PRKAR1B: variants seen among roughly 807,000 people sequenced by gnomAD.
The protein encoded by PRKAR1B is protein kinase cAMP-dependent type I regulatory subunit beta, also known as cAMP-dependent protein kinase type I-beta regulatory subunit.
A neutral mutation model predicts 46.5 loss-of-function variants in PRKAR1B; 22 were observed. That is an observed-to-expected ratio of 0.47 (90% CI 0.34 to 0.68). The LOEUF is 0.68. Among genes scored for constraint, PRKAR1B ranks in the 30% least tolerant of loss-of-function variants. The pLI is 0.01. For synonymous variants in PRKAR1B, 259 were observed against 217.7 expected (o/e 1.19, Z -1.67); for missense variants, 445 against 535.6 (o/e 0.83, Z 1.67).
At chr7:559,665 G>A (rs902734569) in intron 9 of PRKAR1B, among the ~76,000 whole-genome samples, 1 of 152,186 alleles carries the variant, frequency 6.6e-6, no homozygotes, top group Non-Finnish European at 1.5e-5. Flanking sequence ...GCGTGTGCAG[G>A]CAGTGAGCCG....
At chr7:704,722 T>A (rs1780228952) in intron 2 of PRKAR1B, among the ~76,000 whole-genome samples, 1 of 151,760 alleles carries the variant, frequency 6.6e-6, no homozygotes, top group South Asian at 2.1e-4. Context: ...TGAGCTAAGA[T>A]CGCACCACTG....
intron 4 of PRKAR1B, among the ~76,000 whole-genome samples, chr7:640,869 C>T (rs192413793): frequency 1.3e-5 from 2 of 151,274 alleles, no homozygotes; most frequent in Admixed American, 6.6e-5. Context: ...ACAGACAATA[C>T]CAAATGCCAG....
chr7:586,592 C>T (rs909250031), intron 7 of PRKAR1B, among the ~76,000 whole-genome samples: 2 of 152,200 alleles, frequency 1.3e-5, no homozygotes, highest in South Asian at 4.1e-4. Flanking sequence ...GGGTTCCAGG[C>T]CAGAGCCGAG....
At chr7:682,772 AG>A (rs1188689234) in intron 2 of PRKAR1B, among the ~76,000 whole-genome samples, 16 of 152,080 alleles carry the variant, frequency 1.1e-4, no homozygotes, top group Non-Finnish European at 2.2e-4. Context: ...TTTAAGGAAA[AG>A]AGATTTCAAC....
chr7:603,519 G>A (rs539840898), intron 6 of PRKAR1B, among the ~76,000 whole-genome samples: 280 of 152,288 alleles, frequency 1.8e-3, no homozygotes, highest in Non-Finnish European at 3.3e-3. Context: ...GGTCCTCCTC[G>A]TCACAAGTGC....
At chr7:594,918 C>T (rs986028637) in intron 7 of PRKAR1B, among the ~76,000 whole-genome samples, 2 of 152,180 alleles carry the variant, frequency 1.3e-5, no homozygotes, top group Non-Finnish European at 2.9e-5. Flanking sequence ...ACCAAGGGAC[C>T]CCAGACACTG....
intron 2 of PRKAR1B, among the ~76,000 whole-genome samples, chr7:683,097 C>T (rs141375522): frequency 6.6e-6 from 1 of 152,316 alleles, no homozygotes; most frequent in African/African-American, 2.4e-5. Flanking sequence ...CAGGGGCAAC[C>T]AGGCCAAGTT....
intron 7 of PRKAR1B, among the ~76,000 whole-genome samples, chr7:589,127 T>G (rs964455019): frequency 1.4e-5 from 2 of 143,496 alleles, no homozygotes; most frequent in Admixed American, 7.0e-5. Context: ...ACATTGCAAT[T>G]CCAACCCCAG....
rs2128531771 is a variant in PRKAR1B, at chr7:714,622, G to C, written c.-22-3095C>G. On this transcript the variant is annotated intron_variant, in intron 1 of 10. Transcript: ENST00000537384. This position sits in a 1 kb window ranked among gnomAD's most constrained non-coding sequence, Gnocchi z 4.3. ...ACACAAGGACTCCCTCTCCAGACTG[G>C]CTCTGGTAGGAGTGCGAGGCGTGGC... 6.6e-6 allele frequency among the ~76,000 whole-genome samples: 1 copy of C among 152,352 alleles called. No individual in the cohort carries two copies. The highest frequency in any genetic ancestry group is 2.4e-5 in the African/African-American group (1 of 41,586).
chr7:638,621 G>A (rs1784243031), intron 4 of PRKAR1B, among the ~76,000 whole-genome samples: 1 of 152,222 alleles, frequency 6.6e-6, no homozygotes, highest in Non-Finnish European at 1.5e-5. Context: ...GGAATGAAAT[G>A]CAGGGGAAAC....
Position 607,421 on chromosome 7 carries a change from G to C in PRKAR1B, c.472C>G (p.His158Asp), listed in dbSNP as rs1381378463. 2 of 1,613,914 alleles carry C rather than the reference G, an allele frequency of 1.2e-6. No individual in the cohort carries two copies. Among genetic ancestry groups the C allele is most frequent in the African/African-American group, 2.7e-5 (2 of 74,930 alleles). Residue 158 changes from histidine (H) to aspartate (D), a missense_variant, in exon 5 of 11, where the codon CAC becomes GAC. By Grantham distance (81) the His-to-Asp change is moderately conservative (BLOSUM62 -1). Transcript: ENST00000537384. ...DIFDAMFPVT[H>D]IAGETVIQQG... ...TGTATAACAGTCTCCCCAGCGATGT[G>C]AGTGACAGGGAACATGGCATCGAAT...
At chr7:645,066 G>A (rs541585114) in intron 4 of PRKAR1B, among the ~76,000 whole-genome samples, 5 of 152,246 alleles carry the variant, frequency 3.3e-5, no homozygotes, top group Admixed American at 2.0e-4. Context: ...TTAGAAATCC[G>A]GAAGAGAAAT....
intron 1 of PRKAR1B, among the ~76,000 whole-genome samples, chr7:720,631 C>T (rs1035043107): frequency 2.0e-5 from 3 of 152,186 alleles, no homozygotes; most frequent in Non-Finnish European, 2.9e-5. Flanking sequence ...TCAGCTCTAT[C>T]AGTTTCTGCT....
intron 1 of PRKAR1B, among the ~76,000 whole-genome samples, chr7:718,161 G>C (rs1446345918): frequency 6.6e-6 from 1 of 151,660 alleles, no homozygotes; most frequent in Non-Finnish European, 1.5e-5. Flanking sequence ...CCCCAGCATG[G>C]ATTGCAGCCT....
At chr7:726,712 G>C in intron 1 of PRKAR1B, 6 of 1,238,694 alleles carry the variant, frequency 4.8e-6, no homozygotes, top group Non-Finnish European at 6.0e-6. Context: ...GACCGGCGAC[G>C]CGGGCAAGAT....
intron 9 of PRKAR1B, among the ~76,000 whole-genome samples, chr7:577,059 ACCTCACCCAATGCCATCAG>A (rs1562531465): frequency 3.5e-4 from 45 of 128,582 alleles, no homozygotes; most frequent in African/African-American, 1.3e-3. Context: ...TCCATCAGTC[ACCTCACCCAATGCCATCAG>A]CGGCCTCATC....
intron 4 of PRKAR1B, among the ~76,000 whole-genome samples, chr7:640,112 G>A (rs1305104367): frequency 3.4e-5 from 5 of 148,432 alleles, no homozygotes; most frequent in South Asian, 2.1e-4. Context: ...GCAGTGAGCC[G>A]AGATCGTACT....
chr7:597,570 CAG>C (rs776945515), intron 6 of PRKAR1B, among the ~76,000 whole-genome samples: 1 of 152,206 alleles, frequency 6.6e-6, no homozygotes, highest in Non-Finnish European at 1.5e-5. Context: ...TCCACGGAGC[CAG>C]AGAGTACCCA....
intron 4 of PRKAR1B, among the ~76,000 whole-genome samples, chr7:626,412 T>C (rs545077859): frequency 1.3e-5 from 2 of 152,222 alleles, no homozygotes; most frequent in South Asian, 4.2e-4. Context: ...AGAGAATCAC[T>C]TGAGTCCAGG....
Sources: allele counts gnomAD v4.1 joint callset (sites outside exome capture counted in the v4.1 genomes callset), GRCh38; gene constraint gnomAD v4.1.1; non-coding constraint Gnocchi (gnomAD v3.1); transcripts MANE v1.5; gene names NCBI Gene and HGNC (gene_info 2026-07-23, HGNC 2026-07-21).